Variants in TMEM117 observed in about 807,000 individuals in gnomAD.
TMEM117 encodes transmembrane protein 117.
TMEM117 carries 27 observed loss-of-function variants against 52.4 expected under a neutral mutation model. That is an observed-to-expected ratio of 0.51 (90% CI 0.38 to 0.71). The LOEUF is 0.71. Among genes scored for constraint, TMEM117 ranks in the 30% least tolerant of loss-of-function variants. The pLI, the probability that TMEM117 is intolerant of heterozygous loss-of-function variation, is 0.00. For missense variants in TMEM117, 556 were observed against 630.5 expected, an observed-to-expected ratio of 0.88 and a Z score of 1.26; for synonymous variants, 215 against 206.3, an observed-to-expected ratio of 1.04 and a Z score of -0.36.
At chr12:43,855,815 A>AT (rs1193277373) in intron 2 of TMEM117, among the ~76,000 whole-genome samples, 2 of 152,146 alleles carry the variant, frequency 1.3e-5, no homozygotes, top group African/African-American at 2.4e-5. Context: ...CTTAGTTTGA[A>AT]TTTTTTTGGT....
At chr12:43,924,444 A>G (rs1944745272) in intron 2 of TMEM117, among the ~76,000 whole-genome samples, 1 of 152,218 alleles carries the variant, frequency 6.6e-6, no homozygotes. Flanking sequence ...TGTGAATTAC[A>G]GTAGAGATAA....
chr12:44,116,544 C>G (rs944828756), intron 3 of TMEM117, among the ~76,000 whole-genome samples: 3 of 152,314 alleles, frequency 2.0e-5, no homozygotes, highest in African/African-American at 7.2e-5. Flanking sequence ...CCTGAATATT[C>G]TTGTATCTTT....
At chr12:43,820,143 A>G in the TMEM117 span, among the ~76,000 whole-genome samples, 1 of 149,514 alleles carries the variant, frequency 6.7e-6, no homozygotes, top group Non-Finnish European at 1.5e-5. Flanking sequence ...GTTTTTGCCA[A>G]GTGGAGTGCT....
chr12:44,085,327 C>G (rs1947549372), intron 3 of TMEM117, among the ~76,000 whole-genome samples: 1 of 151,888 alleles, frequency 6.6e-6, no homozygotes, highest in Non-Finnish European at 1.5e-5. Flanking sequence ...TAAATTAAAA[C>G]AATGTTACCA....
At position 43,933,856 on chromosome 12, in the gene TMEM117, C is replaced by T. The variant is rs182106517; in HGVS notation, c.278-10354C>T. Among the ~76,000 whole-genome samples the T allele has an allele frequency of 6.2e-3, 938 of 152,268 alleles. 7 individuals carry two copies. The highest frequency in any genetic ancestry group is 0.018 in the African/African-American group (741 of 41,558). ...GATTGCAGGCGTGAGCCACCACTCC[C>T]GGCCCAGAATTTCAATAGTGACAAT... On this transcript the variant is annotated intron_variant, in intron 2 of 7. Transcript: ENST00000266534.
At chr12:44,234,575 A>G (rs1949971771) in intron 5 of TMEM117, among the ~76,000 whole-genome samples, 2 of 150,906 alleles carry the variant, frequency 1.3e-5, no homozygotes, top group African/African-American at 4.8e-5. Flanking sequence ...ATTTTATTGC[A>G]TGTTTCTTTA....
At chr12:43,808,098 G>C in the TMEM117 span, among the ~76,000 whole-genome samples, 1 of 152,208 alleles carries the variant, frequency 6.6e-6, no homozygotes, top group African/African-American at 2.4e-5. Flanking sequence ...ACAAGTGTCT[G>C]TAAGAAACAA....
intron 3 of TMEM117, among the ~76,000 whole-genome samples, chr12:44,101,843 C>T (rs915886463): frequency 1.3e-5 from 2 of 151,964 alleles, no homozygotes; most frequent in South Asian, 2.1e-4. Context: ...GGTGTTTAAT[C>T]CCTGCATGCC....
chr12:44,259,769 T>G (rs1411971848), intron 5 of TMEM117, among the ~76,000 whole-genome samples: 1 of 152,114 alleles, frequency 6.6e-6, no homozygotes, highest in Non-Finnish European at 1.5e-5. Flanking sequence ...GTATTTGAAT[T>G]AGAAAAAAAG....
intron 3 of TMEM117, among the ~76,000 whole-genome samples, chr12:44,025,384 T>C (rs1485231865): frequency 6.6e-6 from 1 of 152,210 alleles, no homozygotes; most frequent in Non-Finnish European, 1.5e-5. Context: ...CATAATAGGC[T>C]TCTCCTTCTG....
intron 6 of TMEM117, 113 bp from the exon 7 acceptor site, chr12:44,376,482 T>G: frequency 8.0e-7 from 1 of 1,251,594 alleles, no homozygotes. Context: ...ATCCAACAGC[T>G]GGCTGCATTT....
intron 6 of TMEM117, among the ~76,000 whole-genome samples, chr12:44,332,712 TACACACACAC>T (rs34633299): frequency 0.014 from 1,969 of 143,238 alleles, 36 homozygotes; most frequent in African/African-American, 0.048. Flanking sequence ...CTACTGTTAC[TACACACACAC>T]ACACACACAC....
chr12:43,824,516 A>G, the TMEM117 span, among the ~76,000 whole-genome samples: 5 of 152,194 alleles, frequency 3.3e-5, no homozygotes, highest in African/African-American at 1.2e-4. Flanking sequence ...ACCAGCAGAT[A>G]AGGTGGAGCC....
intron 3 of TMEM117, among the ~76,000 whole-genome samples, chr12:44,086,356 G>A (rs1324242633): frequency 6.6e-6 from 1 of 151,860 alleles, no homozygotes; most frequent in Non-Finnish European, 1.5e-5. Flanking sequence ...TGTGACTACA[G>A]GTGCGTGCCA....
chr12:43,992,502 C>T (rs1340955130), intron 3 of TMEM117, among the ~76,000 whole-genome samples: 1 of 152,140 alleles, frequency 6.6e-6, no homozygotes, highest in Admixed American at 6.5e-5. Context: ...TGGTTTCGAA[C>T]TCCTGGGTTC....
chr12:44,024,769 C>T (rs1044959603), intron 3 of TMEM117, among the ~76,000 whole-genome samples: 12 of 151,994 alleles, frequency 7.9e-5, no homozygotes, highest in Non-Finnish European at 1.0e-4. Flanking sequence ...AACGATTAGT[C>T]AGTGTAGGTA....
intron 5 of TMEM117, among the ~76,000 whole-genome samples, chr12:44,274,724 A>G (rs529228206): frequency 6.6e-6 from 1 of 152,254 alleles, no homozygotes; most frequent in Admixed American, 6.5e-5. Context: ...TCTTCAATAC[A>G]TGGTGCTAGG....
chr12:44,014,557 A>C (rs1796327631), intron 3 of TMEM117, among the ~76,000 whole-genome samples: 1 of 152,184 alleles, frequency 6.6e-6, no homozygotes, highest in Admixed American at 6.5e-5. Context: ...GTTTTATTCC[A>C]AACTTCCTAA....
intron 3 of TMEM117, among the ~76,000 whole-genome samples, chr12:44,141,906 A>G (rs1420815012): frequency 1.3e-5 from 2 of 152,164 alleles, no homozygotes; most frequent in Non-Finnish European, 2.9e-5. Context: ...ATTAGGATTT[A>G]TCTTAAAGGG....
Sources: gnomAD v4.1 joint callset for allele counts (sites outside exome capture counted in the v4.1 genomes callset) on GRCh38, gnomAD v4.1.1 for gene constraint, MANE v1.5 for transcripts, NCBI Gene and HGNC (gene_info 2026-07-23, HGNC 2026-07-21) for gene names.